Variants in IQCM observed in about 807,000 individuals in gnomAD.
IQCM encodes IQ motif containing M.
IQCM carries 45 observed loss-of-function variants against 57.6 expected under a neutral mutation model. The observed-to-expected ratio is 0.78, with a 90% CI of 0.62 to 1.00. The LOEUF (loss-of-function observed/expected upper bound fraction) is 1.00. Among genes scored for constraint, IQCM ranks in the 50% least tolerant of loss-of-function variants. IQCM has a pLI of 0.00. For missense variants in IQCM, 468 were observed against 511.6 expected (o/e 0.91, Z 0.82); for synonymous variants, 148 against 158.9 (o/e 0.93, Z 0.51).
intron 12 of IQCM, among the ~76,000 whole-genome samples, chr4:149,434,852 T>C (rs868049088): frequency 7.2e-5 from 11 of 152,056 alleles, no homozygotes; most frequent in Non-Finnish European, 1.6e-4. Context: ...CCTCCTCCCA[T>C]CACTGGGCGC....
chr4:149,650,404 G>GT (rs35846638), intron 7 of IQCM, among the ~76,000 whole-genome samples: 2,919 of 132,532 alleles, frequency 0.022, 53 homozygotes, highest in African/African-American at 0.046. Flanking sequence ...TAATTTCTGG[G>GT]TTTTTTTTTT....
chr4:149,664,476 CAG>C (rs1760511059), intron 7 of IQCM, among the ~76,000 whole-genome samples: 2 of 152,058 alleles, frequency 1.3e-5, no homozygotes, highest in Admixed American at 6.5e-5. Flanking sequence ...TGCAGATGGT[CAG>C]AGTGTCAGTT....
At chr4:149,675,455 A>G (rs1369027972) in intron 7 of IQCM, among the ~76,000 whole-genome samples, 2 of 152,034 alleles carry the variant, frequency 1.3e-5, no homozygotes, top group Admixed American at 6.6e-5. Context: ...AAATGTCTTC[A>G]GGGCACAGGT....
At position 149,645,084 on chromosome 4, in the gene IQCM, T is replaced by A. The variant is rs561001691; in HGVS notation, c.566-23840A>T. 2.1e-4 allele frequency among the ~76,000 whole-genome samples: 32 copies of A among 152,312 alleles called. No homozygotes were observed. In the South Asian group the frequency reaches 6.4e-3, roughly 31 times the overall value. ...CTATAAGTTTATAAAGGATTTGGAT[T>A]TCTTCATTTTAAAACTCCTTTTCTA... is the stretch of plus-strand genomic sequence containing the variant. On this transcript the variant is annotated intron_variant, in intron 7 of 13. Transcript: ENST00000636793.
chr4:149,441,406 A>G (rs72724085), intron 12 of IQCM, among the ~76,000 whole-genome samples: 32,952 of 152,066 alleles, frequency 0.22, 4,486 homozygotes, highest in Non-Finnish European at 0.29. Flanking sequence ...GAGATAAAAT[A>G]AAAAGAAAAA....
At chr4:149,457,796 C>T (rs1737854193) in intron 12 of IQCM, among the ~76,000 whole-genome samples, 1 of 152,018 alleles carries the variant, frequency 6.6e-6, no homozygotes. Context: ...TTTTCTATAG[C>T]AATCACGCTC....
At chr4:149,593,072 G>A (rs1480774200) in intron 8 of IQCM, among the ~76,000 whole-genome samples, 5 of 151,844 alleles carry the variant, frequency 3.3e-5, no homozygotes, top group Non-Finnish European at 5.9e-5. Flanking sequence ...CACGATATTG[G>A]TTCTTCCTAT....
chr4:149,797,057 A>G (rs1773175949), intron 2 of IQCM, among the ~76,000 whole-genome samples: 1 of 152,166 alleles, frequency 6.6e-6, no homozygotes, highest in Non-Finnish European at 1.5e-5. Context: ...TGATCTCACC[A>G]AATCAACTAA....
intron 12 of IQCM, among the ~76,000 whole-genome samples, chr4:149,545,171 C>G (rs1291236071): frequency 6.6e-6 from 1 of 151,862 alleles, no homozygotes; most frequent in East Asian, 1.9e-4. Context: ...CAGTTTCTAT[C>G]ATAAAAAAAT....
intron 3 of IQCM, among the ~76,000 whole-genome samples, chr4:149,740,619 G>A (rs1392347170): frequency 1.3e-5 from 2 of 152,120 alleles, no homozygotes; most frequent in Non-Finnish European, 2.9e-5. Flanking sequence ...GCCAGGCTAA[G>A]GCAGTGGTTT....
rs115141666 is a variant in IQCM at position 149,722,075 on chromosome 4, A to G, written c.385+11169T>C. Among the ~76,000 whole-genome samples the G allele has an allele frequency of 8.9e-3, 1,358 of 151,834 alleles. 6 individuals carry two copies. Among genetic ancestry groups the G allele is most frequent in the Non-Finnish European group, 0.016 (1,093 of 67,808 alleles). On this transcript the variant is annotated intron_variant, in intron 5 of 13. Coordinates refer to ENST00000636793, the MANE Select transcript of IQCM (RefSeq NM_001363507.2). ...TGGAGAATTCTTCATATGTTTTTTG[A>G]CCATTTGTATATCTCCTTTTGCGAA...
At chr4:149,704,010 A>G (rs1580063253) in intron 5 of IQCM, among the ~76,000 whole-genome samples, 1 of 151,880 alleles carries the variant, frequency 6.6e-6, no homozygotes, top group Non-Finnish European at 1.5e-5. Flanking sequence ...GAAAAGTGTG[A>G]AAAGGTGGAG....
At chr4:149,672,803 G>T (rs1437924405) in intron 7 of IQCM, among the ~76,000 whole-genome samples, 1 of 152,012 alleles carries the variant, frequency 6.6e-6, no homozygotes, top group Non-Finnish European at 1.5e-5. Context: ...CTCGAGAAGA[G>T]CAATCCCAAG....
At chr4:149,442,257 A>C (rs558103294) in intron 12 of IQCM, among the ~76,000 whole-genome samples, 64 of 152,190 alleles carry the variant, frequency 4.2e-4, no homozygotes, top group Middle Eastern at 3.4e-3. Flanking sequence ...GTCCCTCTAG[A>C]ATATGCTTTC....
At chr4:149,651,165 C>T (rs1759141476) in intron 7 of IQCM, among the ~76,000 whole-genome samples, 1 of 152,100 alleles carries the variant, frequency 6.6e-6, no homozygotes, top group East Asian at 1.9e-4. Flanking sequence ...TCTGAGACAA[C>T]AGAAAATTGC....
chr4:149,765,520 A>C (rs1353806435), intron 2 of IQCM, among the ~76,000 whole-genome samples: 1 of 152,036 alleles, frequency 6.6e-6, no homozygotes, highest in African/African-American at 2.4e-5. Flanking sequence ...TTTCACTTTA[A>C]AGCAAGGATG....
chr4:149,771,794 TATC>T (rs1320627413), intron 2 of IQCM, among the ~76,000 whole-genome samples: 1 of 152,268 alleles, frequency 6.6e-6, no homozygotes, highest in Admixed American at 6.5e-5. Flanking sequence ...GATAATGAAT[TATC>T]ATGACAATAT....
chr4:149,780,663 C>T (rs1168953764), intron 2 of IQCM, among the ~76,000 whole-genome samples: 3 of 151,858 alleles, frequency 2.0e-5, no homozygotes, highest in Admixed American at 6.6e-5. Flanking sequence ...GAAAGAAAAA[C>T]CGTTCCTAAA....
chr4:149,765,871 T>C (rs1356251454), intron 2 of IQCM, among the ~76,000 whole-genome samples: 1 of 151,872 alleles, frequency 6.6e-6, no homozygotes, highest in Non-Finnish European at 1.5e-5. Flanking sequence ...AAGGAACTGA[T>C]TCAACCAGTC....
Sources: allele counts gnomAD v4.1 joint callset (sites outside exome capture counted in the v4.1 genomes callset), GRCh38; gene constraint gnomAD v4.1.1; transcripts MANE v1.5; gene names NCBI Gene and HGNC (gene_info 2026-07-23, HGNC 2026-07-21).